The following FAM221A variants were observed in gnomAD, a reference collection of about 807,000 sequenced individuals.
FAM221A encodes the protein protein FAM221A.
A neutral mutation model predicts 37.6 loss-of-function variants in FAM221A; 43 were observed. That is an observed-to-expected ratio of 1.15 (90% CI 0.90 to 1.48). FAM221A has a LOEUF of 1.48. Among genes scored for constraint, FAM221A ranks in the 40% most tolerant of loss-of-function variants. FAM221A has a pLI of 0.00. For synonymous variants in FAM221A, 135 were observed against 132.9 expected (o/e 1.02, Z -0.11); for missense variants, 361 against 361.5 (o/e 1.00, Z 0.01).
intron 6 of FAM221A, 72 bp downstream of exon 6, chr7:23,700,940 G>A (rs1785389006): frequency 2.1e-6 from 2 of 974,118 alleles, no homozygotes; most frequent in Non-Finnish European, 3.1e-6. Flanking sequence ...ATTATACATT[G>A]AATGTGGAAC....
chr7:23,691,715 G>A (rs1461985440), intron 4 of FAM221A, 119 bp downstream of exon 4: 13 of 872,118 alleles, frequency 1.5e-5, no homozygotes, highest in African/African-American at 6.9e-5. Context: ...ACATTCTCTC[G>A]TTTGATTTTT....
Position 23,684,634 on chromosome 7 carries a change from A to G in FAM221A, c.201A>G (p.Lys67=), listed in dbSNP as rs1446243661. 1.9e-6 allele frequency: 3 copies of G among 1,613,980 alleles called. No homozygotes were observed. Among genetic ancestry groups the G allele is most frequent in the Non-Finnish European group, 8.5e-7 (1 of 1,179,956 alleles). ...SWRSPTGMDC[K]LVGPETLCFC... ...GGTCACCAACAGGGATGGATTGTAAACTTGTGGGCCCAGAGACACTGTGTT... is the reference window on the plus strand; with the variant it reads ...GGTCACCAACAGGGATGGATTGTAAGCTTGTGGGCCCAGAGACACTGTGTT... Residue 67 remains lysine (K), a synonymous_variant, in exon 2 of 7, where the codon AAA becomes AAG. Transcript: ENST00000344962.
intron 3 of FAM221A, among the ~76,000 whole-genome samples, chr7:23,690,485 G>A (rs1434993073): frequency 1.3e-5 from 2 of 151,954 alleles, no homozygotes; most frequent in Non-Finnish European, 2.9e-5. Flanking sequence ...GATTCCAGGC[G>A]TGAGCCACTG....
intron 4 of FAM221A, chr7:23,694,000 A>G (rs7777789): frequency 0.14 from 21,470 of 151,788 alleles, 1,662 homozygotes; most frequent in Middle Eastern, 0.19. Context: ...CTCGCCTCCC[A>G]CCCTCTGACA....
intron 4 of FAM221A, chr7:23,692,486 C>T (rs754934845): frequency 6.4e-5 from 13 of 203,196 alleles, no homozygotes; most frequent in Non-Finnish European, 8.7e-5. Context: ...GGATTACAGG[C>T]ATGCACCACC....
chr7:23,693,637 A>G (rs1353628495), intron 4 of FAM221A: 1 of 150,068 alleles, frequency 6.7e-6, no homozygotes, highest in African/African-American at 2.5e-5. Flanking sequence ...GTCCTTTCCT[A>G]TTTCAGTTTT....
At position 23,698,249 on chromosome 7, in the gene FAM221A, T is replaced by C. The variant is rs908356316; in HGVS notation, c.695T>C (p.Leu232Pro). The C allele has an allele frequency of 5.0e-6, 8 of 1,598,804 alleles. No individual in the cohort carries two copies. The Admixed American group carries it at 1.4e-4, about 28-fold the overall frequency. The change falls in exon 5 of 7, where the codon CTA (leucine) becomes CCA (proline). Residue 232 changes from leucine (L) to proline (P), a missense_variant. Leu to Pro is a moderately conservative substitution (Grantham distance 98). Transcript: ENST00000344962. ...ATTACGGCAGTAGACAGCCCATTCC[T>C]AAAAGCATTTCAAGCATCATCTAGT... ...SPITAVDSPF[L>P]KAFQASSSSS... is the part of the protein sequence containing the mutation.
chr7:23,684,776 C>T (rs965606241), intron 2 of FAM221A, 104 bp downstream of exon 2: 4 of 1,086,204 alleles, frequency 3.7e-6, no homozygotes, highest in East Asian at 2.6e-5. Context: ...AACAATTGTC[C>T]TTTATATAGT....
In FAM221A at chr7:23,700,837, T is replaced by C. The variant is rs779348765; in HGVS notation, c.797T>C (p.Met266Thr). Residue 266 changes from methionine (M) to threonine (T), a missense_variant, in exon 6 of 7, where the codon ATG (methionine) becomes ACG (threonine). Transcript: ENST00000344962. ...TTAAGGAGACCTGAAGAGGATGATA[T>C]GGCTTTCTTTGAAAGACGATACCAG... ...SSLRRPEEDDMAFFERRYQER... is the reference protein window; with the variant it reads ...SSLRRPEEDDTAFFERRYQER... 9.3e-6 allele frequency: 15 copies of C among 1,609,528 alleles called. No homozygotes were observed. In the Admixed American group the frequency reaches 1.4e-4, roughly 15 times the overall value.
intron 3 of FAM221A, among the ~76,000 whole-genome samples, chr7:23,690,197 ATAT>A (rs1307813016): frequency 1.7e-3 from 61 of 36,428 alleles, no homozygotes; most frequent in South Asian, 8.2e-3. Flanking sequence ...ATATATATAT[ATAT>A]TTTTTTTTTT....
At chr7:23,681,505 C>T (rs1029764267) in intron 1 of FAM221A, among the ~76,000 whole-genome samples, 1 of 151,746 alleles carries the variant, frequency 6.6e-6, no homozygotes, top group Non-Finnish European at 1.5e-5. Flanking sequence ...CCGCAATCTC[C>T]GCTTCCTGGG....
chr7:23,698,198 C>A lies in FAM221A; in HGVS notation c.644C>A (p.Pro215His), dbSNP rs771143173. ...CCATGTATTGTTTTCTCAGGTGTAC[C>A]TTCAGTTGAATTTTTAGAATCTCCC... Reference protein sequence around the residue: ...MRLDDSGIGVPSVEFLESPIT... With the variant: ...MRLDDSGIGVHSVEFLESPIT... The change falls in exon 5 of 7, where the codon CCT (proline) becomes CAT (histidine). Residue 215 changes from proline to histidine, a missense_variant. Coordinates refer to ENST00000344962, the MANE Select transcript of FAM221A (RefSeq NM_199136.5). 2.4e-5 allele frequency: 37 copies of A among 1,547,086 alleles called. No individual in the cohort carries two copies. In the South Asian group the frequency reaches 4.1e-4, roughly 17 times the overall value.
At chr7:23,699,693 C>G (rs933573137) in intron 5 of FAM221A, among the ~76,000 whole-genome samples, 10 of 151,638 alleles carry the variant, frequency 6.6e-5, no homozygotes, top group African/African-American at 2.4e-4. Context: ...AGGGATGCAC[C>G]ACCATGTCCA....
chr7:23,682,371 ATGTGTGTGTGTG>A (rs10533703), intron 1 of FAM221A, among the ~76,000 whole-genome samples: 4 of 138,120 alleles, frequency 2.9e-5, no homozygotes, highest in Non-Finnish European at 4.6e-5. Flanking sequence ...TGGCTTTATC[ATGTGTGTGTGTG>A]TGTGTGTGTG....
chr7:23,698,385 T>C (rs939476219), intron 5 of FAM221A, 86 bp downstream of exon 5: 1 of 739,932 alleles, frequency 1.4e-6, no homozygotes, highest in Non-Finnish European at 2.3e-6. Context: ...TCTCTCTTTT[T>C]TTCATTATTA....
In FAM221A at chr7:23,697,330, A is replaced by G. The variant is rs753660282; in HGVS notation, c.638-862A>G. On this transcript the variant is annotated intron_variant, in intron 4 of 6. Coordinates refer to ENST00000344962, the MANE Select transcript of FAM221A (RefSeq NM_199136.5). ...GGACCACCTGTGGTGTAGAGATAGCAGTGTAGGGGAAAGGTGGTGGTTTGT... is the reference window on the plus strand; with the variant it reads ...GGACCACCTGTGGTGTAGAGATAGCGGTGTAGGGGAAAGGTGGTGGTTTGT... Among the ~76,000 whole-genome samples, 4 of 152,316 alleles carry G rather than the reference A, an allele frequency of 2.6e-5. No individual in the cohort carries two copies. The South Asian group carries it at 6.2e-4, about 24-fold the overall frequency.
At chr7:23,686,516 C>T (rs887458651) in intron 2 of FAM221A, 12 of 279,556 alleles carry the variant, frequency 4.3e-5, no homozygotes, top group Admixed American at 1.5e-4. Flanking sequence ...CTGTCTACCT[C>T]GGGCTTTCCA....
intron 4 of FAM221A, chr7:23,692,692 G>A (rs1037189587): frequency 1.0e-6 from 1 of 984,288 alleles, no homozygotes; most frequent in Admixed American, 6.2e-5. Context: ...GAAATTAAGT[G>A]GAAAAAGAAA....
At chr7:23,682,949 A>G (rs73079041) in intron 1 of FAM221A, among the ~76,000 whole-genome samples, 12,083 of 152,238 alleles carry the variant, frequency 0.079, 545 homozygotes, top group East Asian at 0.14. Flanking sequence ...TTGTTTCTTT[A>G]CTATTATGTA....
Sources: allele counts gnomAD v4.1 joint callset (sites outside exome capture counted in the v4.1 genomes callset), GRCh38; gene constraint gnomAD v4.1.1; transcripts MANE v1.5; gene names NCBI Gene and HGNC (gene_info 2026-07-23, HGNC 2026-07-21).